The following BLM variants were observed in gnomAD, a reference collection of about 807,000 sequenced individuals.
The protein encoded by BLM is BLM RecQ like helicase.
BLM carries 95 observed loss-of-function variants against 135.3 expected under a neutral mutation model. The ratio of observed to expected loss-of-function variants is 0.70; its 90% confidence interval spans 0.59 to 0.83. The LOEUF (loss-of-function observed/expected upper bound fraction) is 0.83. Among genes scored for constraint, BLM ranks in the 40% least tolerant of loss-of-function variants. The pLI is 0.00. For synonymous variants in BLM, 520 were observed against 589.2 expected (o/e 0.88, Z 1.70); for missense variants, 1,518 against 1,663.9 (o/e 0.91, Z 1.53).
intron 1 of BLM, among the ~76,000 whole-genome samples, chr15:90,729,820 T>C (rs997747305): frequency 5.9e-5 from 9 of 152,198 alleles, no homozygotes; most frequent in Non-Finnish European, 8.8e-5. Context: ...TTTTGCCTCC[T>C]GCATTCACTT....
In BLM at chr15:90,815,407, A is replaced by T; in HGVS notation, c.*128A>T. 1 of 1,006,692 alleles carries T rather than the reference A, an allele frequency of 9.9e-7. No homozygotes were observed. The highest frequency in any genetic ancestry group is 1.5e-6 in the Non-Finnish European group (1 of 673,740). The allele number at this position is 1,006,692 out of a possible 1,614,324, so 62.4% of individuals were successfully genotyped here. On this transcript the variant is annotated 3_prime_UTR_variant, in exon 22 of 22. Transcript: ENST00000355112. The surrounding 1 kb of genome is among the most constrained non-coding windows in gnomAD (Gnocchi z 4.6). ...CTCGTCTCTATTAATATTTAAATAAATGCTGGGGGGTGATAGTTCTTCTTT... is the reference window on the plus strand; with the variant it reads ...CTCGTCTCTATTAATATTTAAATAATTGCTGGGGGGTGATAGTTCTTCTTT...
intron 1 of BLM, among the ~76,000 whole-genome samples, chr15:90,741,293 C>T (rs28745024): frequency 2.6e-5 from 4 of 152,256 alleles, no homozygotes; most frequent in Admixed American, 6.5e-5. Flanking sequence ...ATTCCACTGT[C>T]TTTTGATTTT....
chr15:90,754,831 C>T lies in BLM; in HGVS notation c.980C>T (p.Thr327Ile). Residue 327 changes from threonine (T) to isoleucine (I), a missense_variant, in exon 5 of 22, where the codon ACC (threonine) becomes ATC (isoleucine). Around this residue, in one of 5 missense-constraint regions of BLM, gnomAD observed 724 missense variants for 756.9 expected, o/e 0.96. Transcript: ENST00000355112. ...TGCAGTACGTTAAAGGACCTTGACA[C>T]CTCTGACAGAAAAGAGGATGTTCTT... ...KCLSTLKDLD[T>I]SDRKEDVLST... 1 of 1,613,808 alleles carries T rather than the reference C, an allele frequency of 6.2e-7. No homozygotes were observed. The highest frequency in any genetic ancestry group is 8.5e-7 in the Non-Finnish European group (1 of 1,179,908).
chr15:90,811,206 T>C lies in BLM; in HGVS notation c.3876T>C (p.Ala1292=), dbSNP rs1596273405. 1.9e-6 allele frequency: 3 copies of C among 1,613,022 alleles called. No individual in the cohort carries two copies. Among genetic ancestry groups the C allele is most frequent in the South Asian group, 2.2e-5 (2 of 91,030 alleles). Residue 1292 remains alanine, a splice_region_variant and synonymous_variant, in exon 21 of 22, where the codon GCT becomes GCC. Coordinates refer to ENST00000355112, the MANE Select transcript of BLM (RefSeq NM_000057.4). ...LQKYSEWTSP[A]EDSSPGISLS... is the part of the protein sequence containing the mutation. Reference sequence around the variant, plus strand: ...AACATCTGCATTTTCCATTTGTAGCTGAAGACAGTTCCCCAGGGATAAGCC... The same window carrying C: ...AACATCTGCATTTTCCATTTGTAGCCGAAGACAGTTCCCCAGGGATAAGCC...
intron 5 of BLM, 105 bp downstream of exon 5, chr15:90,755,043 G>A: frequency 6.4e-6 from 9 of 1,399,198 alleles, no homozygotes; most frequent in Non-Finnish European, 8.8e-6. Flanking sequence ...GTTATAAAAT[G>A]GCAGATTTGT....
At chr15:90,792,610 A>G (rs1035886112) in intron 15 of BLM, among the ~76,000 whole-genome samples, 5 of 152,184 alleles carry the variant, frequency 3.3e-5, no homozygotes, top group Admixed American at 1.3e-4. Context: ...GGCAGGAGCA[A>G]TAAGAGTCGT....
At chr15:90,723,320 C>T (rs993936656) in intron 1 of BLM, among the ~76,000 whole-genome samples, 6 of 150,172 alleles carry the variant, frequency 4.0e-5, no homozygotes, top group African/African-American at 9.8e-5. Flanking sequence ...GATTCTTCCA[C>T]GTTGTAGATA....
At chr15:90,808,321 C>G (rs1157192840) in intron 19 of BLM, among the ~76,000 whole-genome samples, 1 of 152,212 alleles carries the variant, frequency 6.6e-6, no homozygotes, top group East Asian at 1.9e-4. Context: ...GAAATCCACT[C>G]TTTGCTCAGC....
intron 17 of BLM, among the ~76,000 whole-genome samples, chr15:90,802,524 T>C (rs534527195): frequency 1.3e-5 from 2 of 152,336 alleles, no homozygotes; most frequent in African/African-American, 4.8e-5. Context: ...GTGCTTTTCT[T>C]TTAGAATTTG....
At chr15:90,738,060 A>C (rs1895264525) in intron 1 of BLM, among the ~76,000 whole-genome samples, 1 of 152,230 alleles carries the variant, frequency 6.6e-6, no homozygotes, top group East Asian at 1.9e-4. Context: ...AACATAAATG[A>C]AATGGATAAA....
At chr15:90,794,574 C>T (rs1397405914) in intron 16 of BLM, among the ~76,000 whole-genome samples, 2 of 151,620 alleles carry the variant, frequency 1.3e-5, no homozygotes. Flanking sequence ...ATATAATGGA[C>T]ATCAGCATAT....
chr15:90,724,025 A>AT (rs1298721555), intron 1 of BLM, among the ~76,000 whole-genome samples: 3 of 149,792 alleles, frequency 2.0e-5, no homozygotes, highest in Non-Finnish European at 4.5e-5. Flanking sequence ...GTATTTTATT[A>AT]TTTTTCAGAC....
At chr15:90,721,654 C>T (rs924459695) in intron 1 of BLM, among the ~76,000 whole-genome samples, 15 of 151,140 alleles carry the variant, frequency 9.9e-5, no homozygotes, top group African/African-American at 3.2e-4. Context: ...TTTTATTGGC[C>T]GGGCACAGTG....
intron 1 of BLM, among the ~76,000 whole-genome samples, chr15:90,734,645 G>A (rs12443116): frequency 0.031 from 4,570 of 147,916 alleles, 191 homozygotes; most frequent in African/African-American, 0.087. Context: ...TGTCTCTCAC[G>A]CACACATACA....
chr15:90,809,401 A>G lies in BLM; in HGVS notation c.3874+142A>G, dbSNP rs1036811659. On this transcript the variant is annotated intron_variant, in intron 20 of 21. Coordinates refer to ENST00000355112, the MANE Select transcript of BLM (RefSeq NM_000057.4). Reference sequence around the variant, plus strand: ...CCAAGTCAGCCCCCAGTGGTGTGCCAGTCACCTCTGAGAGGACACTAGTGC... The same window carrying G: ...CCAAGTCAGCCCCCAGTGGTGTGCCGGTCACCTCTGAGAGGACACTAGTGC... The G allele has an allele frequency of 2.9e-6, 4 of 1,365,028 alleles. No individual in the cohort carries two copies. In the Admixed American group the frequency reaches 6.8e-5, roughly 23 times the overall value. 84.6% of individuals were successfully genotyped at this position (1,365,028 alleles called of 1,614,324 possible). A position where few individuals can be genotyped will look rare whatever the true frequency, so the allele number is the denominator to read the frequency against.
intron 1 of BLM, among the ~76,000 whole-genome samples, chr15:90,746,718 A>G (rs774205777): frequency 5.9e-5 from 9 of 152,222 alleles, no homozygotes; most frequent in South Asian, 2.1e-4. Context: ...TTAACTATGC[A>G]TGGATTACAG....
At chr15:90,808,774 T>C in intron 19 of BLM, 1 of 359,018 alleles carries the variant, frequency 2.8e-6, no homozygotes, top group Non-Finnish European at 5.3e-6. Flanking sequence ...GCGTTCTCAG[T>C]AAAGAGAGGG....
intron 17 of BLM, among the ~76,000 whole-genome samples, chr15:90,802,983 T>A (rs1897197678): frequency 6.6e-6 from 1 of 151,980 alleles, no homozygotes; most frequent in Non-Finnish European, 1.5e-5. Flanking sequence ...TAATAAATAC[T>A]AGATGCACTT....
At chr15:90,750,177 G>C in intron 3 of BLM, 110 bp downstream of exon 3, 1 of 1,215,098 alleles carries the variant, frequency 8.2e-7, no homozygotes. Context: ...AAGGTTGTTA[G>C]GGTCTTTAGT....
Sources: gnomAD v4.1 joint callset for allele counts (sites outside exome capture counted in the v4.1 genomes callset) on GRCh38, gnomAD v4.1.1 for gene constraint, gnomAD v4.1.1 regional missense constraint, Gnocchi (gnomAD v3.1) non-coding constraint, MANE v1.5 for transcripts, NCBI Gene and HGNC (gene_info 2026-07-23, HGNC 2026-07-21) for gene names.